Variants in TRANK1 observed in about 807,000 individuals in gnomAD.
The protein encoded by TRANK1 is TPR and ankyrin repeat-containing protein 1.
A neutral mutation model predicts 266.0 loss-of-function variants in TRANK1; 198 were observed. That is an observed-to-expected ratio of 0.74 (90% CI 0.66 to 0.84). The LOEUF is 0.84. Ranked by LOEUF, TRANK1 falls within the 40% of genes least tolerant of loss-of-function variation. The pLI, the probability that TRANK1 is intolerant of heterozygous loss-of-function variation, is 0.00. For missense variants in TRANK1, 3,326 were observed against 3,634.6 expected (o/e 0.92, Z 2.18); for synonymous variants, 1,396 against 1,384.1 (o/e 1.01, Z -0.19).
In TRANK1 at chr3:36,831,001, T is replaced by C; in HGVS notation, c.8582A>G (p.Gln2861Arg). The C allele has an allele frequency of 3.1e-6, 5 of 1,614,046 alleles. No individual in the cohort carries two copies. The South Asian group carries it at 5.5e-5, about 18-fold the overall frequency. ...CACGTGACTGTGGATCCATACACTT[T>C]GCTCGATGTCCTGCACCACCAGCTT... ...EGKLVVQDIE[Q>R]SVWIHSHVGS... The change falls in exon 22 of 24, where the codon CAA becomes CGA. Residue 2861 changes from glutamine (Q) to arginine (R), a missense_variant. Physicochemically the swap from Gln to Arg is conservative, Grantham distance 43. Coordinates refer to ENST00000645898, the MANE Select transcript of TRANK1 (RefSeq NM_001329998.2). This position sits in a 1 kb window ranked among gnomAD's most constrained non-coding sequence, Gnocchi z 5.0.
At chr3:36,927,658 C>A (rs1469550886) in intron 1 of TRANK1, among the ~76,000 whole-genome samples, 1 of 152,228 alleles carries the variant, frequency 6.6e-6, no homozygotes, top group Middle Eastern at 3.2e-3. Context: ...TCTCTGCACG[C>A]CACTGGCCCA....
At position 36,831,719 on chromosome 3, in the gene TRANK1, C is replaced by T; in HGVS notation, c.7864G>A (p.Val2622Ile). ...LKVVKRVLVA[V>I]NVKSVAEALQ... ...GCCTCAGCCACAGACTTCACATTGA[C>T]TGCCACCAAGACCCGCTTCACCACC... The change falls in exon 22 of 24, where the codon GTC (valine) becomes ATC (isoleucine). Residue 2622 changes from valine to isoleucine, a missense_variant. Transcript: ENST00000645898. This position sits in a 1 kb window ranked among gnomAD's most constrained non-coding sequence, Gnocchi z 5.0. 1.2e-6 allele frequency: 2 copies of T among 1,614,004 alleles called. No homozygotes were observed. The highest frequency in any genetic ancestry group is 1.7e-6 in the Non-Finnish European group (2 of 1,179,882).
intron 1 of TRANK1, among the ~76,000 whole-genome samples, chr3:36,914,346 G>A (rs933072264): frequency 4.0e-5 from 6 of 151,776 alleles, no homozygotes; most frequent in African/African-American, 1.5e-4. Flanking sequence ...TGTTGGCCAG[G>A]CTGGTCTTGA....
Position 36,833,935 on chromosome 3 carries a change from A to G in TRANK1, c.5664-16T>C. On this transcript the variant is annotated splice_polypyrimidine_tract_variant and intron_variant, in intron 21 of 23. Coordinates refer to ENST00000645898, the MANE Select transcript of TRANK1 (RefSeq NM_001329998.2). ...TTCTTCATACCTGCAAAGACAAAGG[A>G]CACAAATGTCAACTTGCCATCACCC... 6.3e-7 allele frequency: 1 copy of G among 1,577,112 alleles called. No individual in the cohort carries two copies. The highest frequency in any genetic ancestry group is 1.7e-4 in the Middle Eastern group (1 of 5,898).
intron 9 of TRANK1, among the ~76,000 whole-genome samples, chr3:36,870,651 T>C (rs946116333): frequency 3.9e-5 from 6 of 152,202 alleles, no homozygotes; most frequent in East Asian, 1.9e-4. Flanking sequence ...AAGTTTACCA[T>C]TGAGTACGGA....
intron 9 of TRANK1, among the ~76,000 whole-genome samples, chr3:36,871,515 G>A (rs1363226599): frequency 6.6e-6 from 1 of 152,056 alleles, no homozygotes; most frequent in Non-Finnish European, 1.5e-5. Flanking sequence ...TCAAATCATG[G>A]AAACCATTCT....
At chr3:36,836,142 C>G (rs2078767902) in intron 20 of TRANK1, among the ~76,000 whole-genome samples, 1 of 152,266 alleles carries the variant, frequency 6.6e-6, no homozygotes, top group African/African-American at 2.4e-5. Context: ...AATGCAGAAC[C>G]CTCATGCACA....
intron 1 of TRANK1, among the ~76,000 whole-genome samples, chr3:36,944,338 C>T (rs1342348317): frequency 1.3e-5 from 2 of 152,226 alleles, no homozygotes; most frequent in African/African-American, 4.8e-5. Flanking sequence ...GCAAATTCCG[C>T]CCTTCCCGCC....
At chr3:36,854,868 A>G (rs2125540888) in intron 13 of TRANK1, among the ~76,000 whole-genome samples, 1 of 152,154 alleles carries the variant, frequency 6.6e-6, no homozygotes, top group East Asian at 1.9e-4. Flanking sequence ...CTTCCCAAGT[A>G]CTTTAATGAA....
At chr3:36,889,580 C>T (rs1439937081) in intron 8 of TRANK1, among the ~76,000 whole-genome samples, 4 of 152,190 alleles carry the variant, frequency 2.6e-5, no homozygotes, top group Admixed American at 6.5e-5. Context: ...AATGATTCAA[C>T]CCCACAGAAG....
Position 36,831,358 on chromosome 3 carries a change from G to C in TRANK1, c.8225C>G (p.Thr2742Ser), listed in dbSNP as rs763175981. The stretch of plus-strand genomic sequence containing the variant: ...CTCCTCCCTGACACGCTCCATCTGG[G>C]TGCCCACTCTTCTCCTCCAACTGAT... ...LCISWRRRVG[T>S]QMERVREEAR... Residue 2742 changes from threonine (T) to serine (S), a missense_variant, in exon 22 of 24, where the codon ACC (threonine) becomes AGC (serine). Coordinates refer to ENST00000645898, the MANE Select transcript of TRANK1 (RefSeq NM_001329998.2). This position sits in a 1 kb window ranked among gnomAD's most constrained non-coding sequence, Gnocchi z 5.0. 6.2e-7 allele frequency: 1 copy of C among 1,613,254 alleles called. No individual in the cohort carries two copies. The highest frequency in any genetic ancestry group is 1.3e-5 in the African/African-American group (1 of 74,884).
chr3:36,942,770 C>T (rs1475660508), intron 1 of TRANK1, among the ~76,000 whole-genome samples: 1 of 151,884 alleles, frequency 6.6e-6, no homozygotes, highest in Non-Finnish European at 1.5e-5. Context: ...GAAATGCTGA[C>T]GGTCTCCTCA....
chr3:36,893,237 C>T (rs2079734988), intron 5 of TRANK1, among the ~76,000 whole-genome samples: 1 of 151,190 alleles, frequency 6.6e-6, no homozygotes, highest in South Asian at 2.1e-4. Context: ...AGGACAGGAG[C>T]AGATGATGTC....
In TRANK1 at chr3:36,855,498, A is replaced by C; in HGVS notation, c.4224T>G (p.Phe1408Leu). Residue 1408 changes from phenylalanine (F) to leucine (L), a missense_variant, in exon 13 of 24, where the codon TTT (phenylalanine) becomes TTG (leucine). Coordinates refer to ENST00000645898, the MANE Select transcript of TRANK1 (RefSeq NM_001329998.2). ...TGTTGTACAGAACATCCTCTTCATCAAAATAACCTTTCTGGGACCTGATTT... is the reference window on the plus strand; with the variant it reads ...TGTTGTACAGAACATCCTCTTCATCCAAATAACCTTTCTGGGACCTGATTT... ...YQQIRSQKGY[F>L]DEEDVLYNIS... is the part of the protein sequence containing the mutation. The C allele has an allele frequency of 6.2e-7, 1 of 1,613,892 alleles. No homozygotes were observed. The highest frequency in any genetic ancestry group is 8.5e-7 in the Non-Finnish European group (1 of 1,179,874).
rs535671565 is a variant in TRANK1 at position 36,895,619 on chromosome 3, G to A, written c.552+21C>T. The A allele has an allele frequency of 1.3e-5, 19 of 1,418,342 alleles. No individual in the cohort carries two copies. In the South Asian group the frequency reaches 2.2e-4, roughly 16 times the overall value. The allele number at this position is 1,418,342 out of a possible 1,614,324, so 87.9% of individuals were successfully genotyped here. ...CATCAAGAATGTACTCTCCCCGTGA[G>A]AGCCATCTCCTTTTACTTACATGCC... On this transcript the variant is annotated intron_variant, in intron 5 of 23. Transcript: ENST00000645898.
intron 1 of TRANK1, among the ~76,000 whole-genome samples, chr3:36,934,722 C>A (rs917455740): frequency 2.0e-5 from 3 of 152,188 alleles, no homozygotes; most frequent in African/African-American, 7.2e-5. Context: ...TACATGACAA[C>A]AAAGACTTGA....
intron 14 of TRANK1, 63 bp downstream of exon 14, chr3:36,852,083 C>T (rs1559426601): frequency 1.1e-5 from 16 of 1,493,212 alleles, no homozygotes; most frequent in Non-Finnish European, 1.4e-5. Context: ...AATTTAGCTT[C>T]TCAAACTTTT....
rs920238108 is a variant in TRANK1 at position 36,826,860 on chromosome 3, G to A, written c.*1415C>T. On this transcript the variant is annotated 3_prime_UTR_variant, in exon 24 of 24. Transcript: ENST00000645898. ...ACTTTATAAAAAATGTGATAATACA[G>A]CAAGATATTGTTGGGGTTTTCTTTT... The A allele has an allele frequency of 3.3e-5, 5 of 151,992 alleles. No individual in the cohort carries two copies. The highest frequency in any genetic ancestry group is 7.4e-5 in the Non-Finnish European group (5 of 67,996). The allele number at this position is 151,992 out of a possible 1,614,324, so 9.4% of individuals were successfully genotyped here.
chr3:36,882,522 TG>T (rs1202144974), intron 8 of TRANK1, among the ~76,000 whole-genome samples: 1 of 152,188 alleles, frequency 6.6e-6, no homozygotes, highest in Non-Finnish European at 1.5e-5. Flanking sequence ...AGAATCTAAA[TG>T]TAAAAAAATG....
Sources: allele counts gnomAD v4.1 joint callset (sites outside exome capture counted in the v4.1 genomes callset), GRCh38; gene constraint gnomAD v4.1.1; non-coding constraint Gnocchi (gnomAD v3.1); transcripts MANE v1.5; gene names NCBI Gene and HGNC (gene_info 2026-07-23, HGNC 2026-07-21).